PLEKHG3: variants seen among roughly 807,000 people sequenced by gnomAD.
PLEKHG3 encodes the protein pleckstrin homology and RhoGEF domain containing G3.
In PLEKHG3, 62 loss-of-function variants were observed where a neutral mutation model predicts 94.9. That is an observed-to-expected ratio of 0.65 (90% CI 0.53 to 0.81). The LOEUF is 0.81. Ranked by LOEUF, PLEKHG3 falls within the 30% of genes least tolerant of loss-of-function variation. The pLI is 0.00. For synonymous variants in PLEKHG3, 614 were observed against 654.0 expected (o/e 0.94, Z 0.93); for missense variants, 1,461 against 1,619.3 (o/e 0.90, Z 1.68).
At chr14:64,737,038 A>G in intron 13 of PLEKHG3, 147 bp downstream of exon 13, 1 of 732,456 alleles carries the variant, frequency 1.4e-6, no homozygotes, top group Non-Finnish European at 2.5e-6. Context: ...CCCCCAGAAG[A>G]GGGCCTCGCC....
chr14:64,748,063 G>C lies in PLEKHG3; in HGVS notation c.*4360G>C, dbSNP rs2081876492. ...GTGACCCCCTCCCCGCCAAGACCTG[G>C]GGCCAGGACGTGGAGAAGCTGATCA... On this transcript the variant is annotated 3_prime_UTR_variant, in exon 17 of 17. Coordinates refer to ENST00000247226, the MANE Select transcript of PLEKHG3 (RefSeq NM_001308147.2). 1 of 152,160 alleles carries C rather than the reference G, an allele frequency of 6.6e-6. No individual in the cohort carries two copies. Among genetic ancestry groups the C allele is most frequent in the Non-Finnish European group, 1.5e-5 (1 of 68,112 alleles). The allele number at this position is 152,160 out of a possible 1,614,324, so 9.4% of individuals were successfully genotyped here. A position where few individuals can be genotyped will look rare whatever the true frequency, so the allele number is the denominator to read the frequency against.
At chr14:64,711,134 T>C (rs952468896) in intron 1 of PLEKHG3, among the ~76,000 whole-genome samples, 1 of 151,920 alleles carries the variant, frequency 6.6e-6, no homozygotes, top group African/African-American at 2.4e-5. Flanking sequence ...TCCCCACGAG[T>C]TGGGTAACTT....
In PLEKHG3 at chr14:64,748,049, C is replaced by T. The variant is rs1047776832; in HGVS notation, c.*4346C>T. The T allele has an allele frequency of 6.6e-6, 1 of 152,158 alleles. No homozygotes were observed. The highest frequency in any genetic ancestry group is 1.5e-5 in the Non-Finnish European group (1 of 68,084). 9.4% of individuals were successfully genotyped at this position (152,158 alleles called of 1,614,324 possible). A position where few individuals can be genotyped will look rare whatever the true frequency, so the allele number is the denominator to read the frequency against. ...ACCTCTGTACTCATGTGACCCCCTC[C>T]CCGCCAAGACCTGGGGCCAGGACGT... On this transcript the variant is annotated 3_prime_UTR_variant, in exon 17 of 17. Transcript: ENST00000247226.
At position 64,750,043 on chromosome 14, in the gene PLEKHG3, C is replaced by T; in HGVS notation, c.*6340C>T. On this transcript the variant is annotated 3_prime_UTR_variant, in exon 17 of 17. Coordinates refer to ENST00000247226, the MANE Select transcript of PLEKHG3 (RefSeq NM_001308147.2). ...CAGCAATCTCACAGATGGCATGTCT[C>T]AGGGCCAGGGGTTCCTCCCCATGGT... 2 of 1,614,216 alleles carry T rather than the reference C, an allele frequency of 1.2e-6. No homozygotes were observed. The highest frequency in any genetic ancestry group is 1.7e-6 in the Non-Finnish European group (2 of 1,180,032).
intron 1 of PLEKHG3, among the ~76,000 whole-genome samples, chr14:64,724,102 A>T (rs1364529067): frequency 6.6e-6 from 1 of 151,590 alleles, no homozygotes; most frequent in African/African-American, 2.4e-5. Flanking sequence ...TTCAGGTAGG[A>T]AGGAAAGGCT....
Position 64,720,150 on chromosome 14 carries a change from A to G in PLEKHG3, c.-39-7443A>G, listed in dbSNP as rs2081237854. Among the ~76,000 whole-genome samples the G allele has an allele frequency of 6.6e-6, 1 of 152,222 alleles. No individual in the cohort carries two copies. The highest frequency in any genetic ancestry group is 1.5e-5 in the Non-Finnish European group (1 of 68,044). ...CCTGGCAGATTGCTTTTCCTGGGAC[A>G]TTTGCAGGGAGACCAGATCATCACA... On this transcript the variant is annotated intron_variant, in intron 1 of 16. Coordinates refer to ENST00000247226, the MANE Select transcript of PLEKHG3 (RefSeq NM_001308147.2). The surrounding 1 kb of genome is among the most constrained non-coding windows in gnomAD (Gnocchi z 4.1).
chr14:64,710,522 T>C (rs1198156346), intron 1 of PLEKHG3, among the ~76,000 whole-genome samples: 1 of 151,964 alleles, frequency 6.6e-6, no homozygotes, highest in Non-Finnish European at 1.5e-5. Context: ...ATAACAAAAA[T>C]TAGCTGGGCA....
chr14:64,720,463 T>C lies in PLEKHG3; in HGVS notation c.-39-7130T>C, dbSNP rs2081243492. Reference sequence around the variant, plus strand: ...TCTCTTGACTGTGTGAGTGGTGAGCTCATCCCGGCGCCATCTCAGAGTCCT... The same window carrying C: ...TCTCTTGACTGTGTGAGTGGTGAGCCCATCCCGGCGCCATCTCAGAGTCCT... On this transcript the variant is annotated intron_variant, in intron 1 of 16. Transcript: ENST00000247226. This position sits in a 1 kb window ranked among gnomAD's most constrained non-coding sequence, Gnocchi z 4.1. Among the ~76,000 whole-genome samples, 1 of 152,226 alleles carries C rather than the reference T, an allele frequency of 6.6e-6. No individual in the cohort carries two copies. Among genetic ancestry groups the C allele is most frequent in the Non-Finnish European group, 1.5e-5 (1 of 68,028 alleles).
rs2081167692 is a variant in PLEKHG3, at chr14:64,716,610, G to A, written c.-39-10983G>A. Among the ~76,000 whole-genome samples the A allele has an allele frequency of 6.6e-6, 1 of 151,546 alleles. No individual in the cohort carries two copies. The highest frequency in any genetic ancestry group is 1.5e-5 in the Non-Finnish European group (1 of 67,972). ...TTCCTTTTCCCAGAATCCACAGAGG[G>A]TGGTTGTTTTGGATCAAACCAAGCG... On this transcript the variant is annotated intron_variant, in intron 1 of 16. Coordinates refer to ENST00000247226, the MANE Select transcript of PLEKHG3 (RefSeq NM_001308147.2). The surrounding 1 kb of genome is among the most constrained non-coding windows in gnomAD (Gnocchi z 5.0).
At chr14:64,737,203 A>G (rs1018402865) in intron 13 of PLEKHG3, 153 bp from the exon 14 acceptor site, 13 of 685,528 alleles carry the variant, frequency 1.9e-5, no homozygotes, top group African/African-American at 1.3e-4. Context: ...TTGAAAGCCC[A>G]GGAGACTAGG....
At position 64,704,433 on chromosome 14, in the gene PLEKHG3, CTCCCTCG is replaced by C. The variant is rs2080940886; in HGVS notation, c.-310_-304del. The C allele has an allele frequency of 1.3e-5, 2 of 152,580 alleles. No homozygotes were observed. Among genetic ancestry groups the C allele is most frequent in the African/African-American group, 5.3e-5 (2 of 37,932 alleles). 9.5% of individuals were successfully genotyped at this position (152,580 alleles called of 1,614,324 possible). A position where few individuals can be genotyped will look rare whatever the true frequency, so the allele number is the denominator to read the frequency against. ...GCTCCCTCGCTCCCTCGCTCCCTCG[CTCCCTCG>C]CTCCCTCCTGCCCTCCCGCTGCAGC... On this transcript the variant is annotated 5_prime_UTR_variant, in exon 1 of 17. Coordinates refer to ENST00000247226, the MANE Select transcript of PLEKHG3 (RefSeq NM_001308147.2). This position sits in a 1 kb window ranked among gnomAD's most constrained non-coding sequence, Gnocchi z 5.6.
chr14:64,719,348 C>T (rs2081224806), intron 1 of PLEKHG3, among the ~76,000 whole-genome samples: 2 of 151,534 alleles, frequency 1.3e-5, no homozygotes, highest in East Asian at 1.9e-4. Context: ...TCATCACCAC[C>T]ACCACCATTC....
At chr14:64,719,410 C>T (rs1041315407) in intron 1 of PLEKHG3, among the ~76,000 whole-genome samples, 2 of 151,990 alleles carry the variant, frequency 1.3e-5, no homozygotes, top group Non-Finnish European at 2.9e-5. Context: ...TGTGTCATCT[C>T]AACCTTGGAG....
At chr14:64,737,720 C>A in intron 14 of PLEKHG3, 1 of 386,928 alleles carries the variant, frequency 2.6e-6, no homozygotes, top group Non-Finnish European at 4.6e-6. Flanking sequence ...GAATGCCCAC[C>A]CCTCCCTGGA....
rs2080944959 is a variant in PLEKHG3, at chr14:64,704,734, CTCTTATCTCCCT to C, written c.-40+31_-40+42del. The C allele has an allele frequency of 6.6e-6, 1 of 152,538 alleles. No homozygotes were observed. Among genetic ancestry groups the C allele is most frequent in the Non-Finnish European group, 1.5e-5 (1 of 68,206 alleles). 9.4% of individuals were successfully genotyped at this position (152,538 alleles called of 1,614,324 possible). A position where few individuals can be genotyped will look rare whatever the true frequency, so the allele number is the denominator to read the frequency against. On this transcript the variant is annotated intron_variant, in intron 1 of 16. Coordinates refer to ENST00000247226, the MANE Select transcript of PLEKHG3 (RefSeq NM_001308147.2). This position sits in a 1 kb window ranked among gnomAD's most constrained non-coding sequence, Gnocchi z 5.6. ...GTGTCCCCTGATTCTCCTCTCTCCCCTCTTATCTCCCTGCATTAGGCTGAGCGGCGGTGCCGG... is the reference window on the plus strand; with the variant it reads ...GTGTCCCCTGATTCTCCTCTCTCCCCGCATTAGGCTGAGCGGCGGTGCCGG...
chr14:64,749,250 C>G lies in PLEKHG3; in HGVS notation c.*5547C>G. ...GGCGGCGGCGAGAGGAGGCCAAGGCCTGGGCTGCCCGGTCTCTGCGCGTCC... is the reference window on the plus strand; with the variant it reads ...GGCGGCGGCGAGAGGAGGCCAAGGCGTGGGCTGCCCGGTCTCTGCGCGTCC... On this transcript the variant is annotated 3_prime_UTR_variant, in exon 17 of 17. Coordinates refer to ENST00000247226, the MANE Select transcript of PLEKHG3 (RefSeq NM_001308147.2). The surrounding 1 kb of genome is among the most constrained non-coding windows in gnomAD (Gnocchi z 4.7). 4 of 1,535,208 alleles carry G rather than the reference C, an allele frequency of 2.6e-6. No homozygotes were observed. Among genetic ancestry groups the G allele is most frequent in the Non-Finnish European group, 3.5e-6 (4 of 1,145,398 alleles).
Position 64,731,357 on chromosome 14 carries a change from G to T in PLEKHG3, c.850-4G>T, listed in dbSNP as rs770669538. On this transcript the variant is annotated splice_polypyrimidine_tract_variant and splice_region_variant and intron_variant, in intron 7 of 16. Coordinates refer to ENST00000247226, the MANE Select transcript of PLEKHG3 (RefSeq NM_001308147.2). This position sits in a 1 kb window ranked among gnomAD's most constrained non-coding sequence, Gnocchi z 6.1. ...CTCTAGGGATTGGGGCCCCTCTGCTGCAGGAGATTCAGTCACTCCTCATCA... is the reference window on the plus strand; with the variant it reads ...CTCTAGGGATTGGGGCCCCTCTGCTTCAGGAGATTCAGTCACTCCTCATCA... The T allele has an allele frequency of 2.5e-6, 4 of 1,612,272 alleles. No homozygotes were observed. The highest frequency in any genetic ancestry group is 3.4e-6 in the Non-Finnish European group (4 of 1,179,124).
Position 64,732,892 on chromosome 14 carries a change from C to T in PLEKHG3, c.1336C>T (p.Arg446Trp), listed in dbSNP as rs746927893. 43 of 1,601,032 alleles carry T rather than the reference C, an allele frequency of 2.7e-5. No individual in the cohort carries two copies. Among genetic ancestry groups the T allele is most frequent in the South Asian group, 3.4e-5 (3 of 88,826 alleles). ...GTCCACCAATGTGCGCCAGGGGCGCCGGCAATCTGGTAAGAGAAGGGCTGT... is the reference window on the plus strand; with the variant it reads ...GTCCACCAATGTGCGCCAGGGGCGCTGGCAATCTGGTAAGAGAAGGGCTGT... ...EVSTNVRQGR[R>W]QSEPTKHLLR... Residue 446 changes from arginine (R) to tryptophan (W), a missense_variant, in exon 12 of 17, where the codon CGG becomes TGG. Transcript: ENST00000247226. This position sits in a 1 kb window ranked among gnomAD's most constrained non-coding sequence, Gnocchi z 4.9.
intron 1 of PLEKHG3, among the ~76,000 whole-genome samples, chr14:64,705,875 A>G (rs767978473): frequency 5.3e-5 from 8 of 152,138 alleles, no homozygotes; most frequent in Non-Finnish European, 1.2e-4. Flanking sequence ...TCTGTTATAC[A>G]TCTCTCCCCT....
Sources: gnomAD v4.1 joint callset for allele counts (sites outside exome capture counted in the v4.1 genomes callset) on GRCh38, gnomAD v4.1.1 for gene constraint, Gnocchi (gnomAD v3.1) non-coding constraint, MANE v1.5 for transcripts, NCBI Gene and HGNC (gene_info 2026-07-23, HGNC 2026-07-21) for gene names.